SORL1-AS1: variants seen among roughly 807,000 people sequenced by gnomAD.
SORL1-AS1 encodes SORL1 antisense RNA 1, also known as lncRNA 51 A.
chr11:121,448,121 G>T (rs1002817217), exon 2 of SORL1-AS1: 1 of 152,208 alleles, frequency 6.6e-6, no homozygotes, highest in African/African-American at 2.4e-5. Context: ...TCTCGCTTTG[G>T]CCCACTTCAA....
downstream of SORL1-AS1, among the ~76,000 whole-genome samples, chr11:121,443,788 C>T (rs956080054): frequency 7.2e-5 from 11 of 152,194 alleles, 1 homozygote; most frequent in South Asian, 8.3e-4. Flanking sequence ...GTGAAATTAG[C>T]GCTGCTCAAG....
chr11:121,444,783 T>C (rs960386126), downstream of SORL1-AS1, among the ~76,000 whole-genome samples: 7 of 152,242 alleles, frequency 4.6e-5, no homozygotes, highest in Non-Finnish European at 4.4e-5. Context: ...ATGGCGTCAT[T>C]ATCACAGAAT....
In SORL1-AS1 at chr11:121,452,867, G is replaced by A. The variant is rs1860830812; in HGVS notation, n.147C>T. The A allele has an allele frequency of 2.4e-6, 1 of 415,532 alleles. No individual in the cohort carries two copies. Among genetic ancestry groups the A allele is most frequent in the Non-Finnish European group, 4.3e-6 (1 of 234,948 alleles). 25.7% of individuals were successfully genotyped at this position (415,532 alleles called of 1,614,324 possible). On this transcript the variant is annotated non_coding_transcript_exon_variant, in exon 1 of 2. Coordinates refer to ENST00000501964, the Ensembl canonical transcript of SORL1-AS1. This position sits in a 1 kb window ranked among gnomAD's most constrained non-coding sequence, Gnocchi z 5.3. ...TGCAGTGCGTATTACCCCAGGGTGTGTGCAGAGAGATGTAGTTTCCGGCAG... is the reference window on the plus strand; with the variant it reads ...TGCAGTGCGTATTACCCCAGGGTGTATGCAGAGAGATGTAGTTTCCGGCAG...
At chr11:121,442,500 T>A (rs1412073004), downstream of SORL1-AS1, among the ~76,000 whole-genome samples, 1 of 151,408 alleles carries the variant, frequency 6.6e-6, no homozygotes, top group Non-Finnish European at 1.5e-5. Flanking sequence ...CTGGGCGTGG[T>A]GGCACGCACC....
At chr11:121,441,041 T>TA in the SORL1-AS1 span, among the ~76,000 whole-genome samples, 1 of 152,194 alleles carries the variant, frequency 6.6e-6, no homozygotes, top group Non-Finnish European at 1.5e-5. Flanking sequence ...CCAATGGAGA[T>TA]ATAAGTATTT....
chr11:121,438,242 A>G, the SORL1-AS1 span, among the ~76,000 whole-genome samples: 2 of 152,212 alleles, frequency 1.3e-5, no homozygotes, highest in African/African-American at 4.8e-5. Context: ...GTCTAGCTTA[A>G]ATACTTCCAG....
Position 121,450,226 on chromosome 11 carries a change from A to G in SORL1-AS1, n.340-327T>C, listed in dbSNP as rs1236828797. On this transcript the variant is annotated intron_variant and non_coding_transcript_variant, in intron 1 of 1. Coordinates refer to ENST00000501964, the Ensembl canonical transcript of SORL1-AS1. This position sits in a 1 kb window ranked among gnomAD's most constrained non-coding sequence, Gnocchi z 5.2. ...ATGTTGGAAAAACCCCAATAATTGAATCATCTACAGGATGTTCTCACTTTA... is the reference window on the plus strand; with the variant it reads ...ATGTTGGAAAAACCCCAATAATTGAGTCATCTACAGGATGTTCTCACTTTA... Among the ~76,000 whole-genome samples the G allele has an allele frequency of 1.3e-5, 2 of 152,146 alleles. No homozygotes were observed. Among genetic ancestry groups the G allele is most frequent in the African/African-American group, 4.8e-5 (2 of 41,412 alleles).
At chr11:121,440,380 A>C in the SORL1-AS1 span, among the ~76,000 whole-genome samples, 1 of 152,134 alleles carries the variant, frequency 6.6e-6, no homozygotes, top group Non-Finnish European at 1.5e-5. Flanking sequence ...TCTCTAAATA[A>C]ATAAATAAAC....
At chr11:121,448,492 AAGTCCCTTTTC>A (rs970335127) in exon 2 of SORL1-AS1, 1 of 152,176 alleles carries the variant, frequency 6.6e-6, no homozygotes, top group Admixed American at 6.5e-5. Flanking sequence ...AAGGGCAGGG[AAGTCCCTTTTC>A]TGCTTTAATG....
At chr11:121,451,389 G>T (rs1483205843) in intron 1 of SORL1-AS1, among the ~76,000 whole-genome samples, 2 of 152,208 alleles carry the variant, frequency 1.3e-5, no homozygotes, top group Non-Finnish European at 2.9e-5. Flanking sequence ...TGTTTGCCTA[G>T]CTCCTGGCTG....
At chr11:121,438,823 C>T in the SORL1-AS1 span, among the ~76,000 whole-genome samples, 5 of 152,076 alleles carry the variant, frequency 3.3e-5, no homozygotes, top group African/African-American at 1.2e-4. Context: ...GTCAGGAGTT[C>T]GAGAGCAGCC....
chr11:121,442,262 C>A, the SORL1-AS1 span, among the ~76,000 whole-genome samples: 1 of 152,122 alleles, frequency 6.6e-6, no homozygotes, highest in Non-Finnish European at 1.5e-5. Flanking sequence ...ATTCCAGAGT[C>A]GCCATTCAGT....
downstream of SORL1-AS1, among the ~76,000 whole-genome samples, chr11:121,442,640 C>A (rs1159888437): frequency 7.5e-6 from 1 of 133,606 alleles, no homozygotes; most frequent in African/African-American, 3.0e-5. Context: ...GTCTCTCTCT[C>A]TTTTATTTAT....
At chr11:121,448,498 C>G (rs1469193308) in exon 2 of SORL1-AS1, 1 of 152,100 alleles carries the variant, frequency 6.6e-6, no homozygotes, top group Non-Finnish European at 1.5e-5. Context: ...AGGGAAGTCC[C>G]TTTTCTGCTT....
At chr11:121,441,435 G>A in the SORL1-AS1 span, among the ~76,000 whole-genome samples, 26 of 150,132 alleles carry the variant, frequency 1.7e-4, no homozygotes, top group Non-Finnish European at 3.2e-4. Flanking sequence ...GGAGGCTGAG[G>A]CAGGAGAATG....
downstream of SORL1-AS1, among the ~76,000 whole-genome samples, chr11:121,446,937 C>T (rs1395227002): frequency 1.3e-5 from 2 of 152,112 alleles, no homozygotes; most frequent in Admixed American, 6.5e-5. Context: ...CTGTGCCTAA[C>T]GCATGCATCC....
At chr11:121,445,271 A>C (rs1317006811), downstream of SORL1-AS1, among the ~76,000 whole-genome samples, 2 of 152,220 alleles carry the variant, frequency 1.3e-5, no homozygotes, top group Admixed American at 1.3e-4. Flanking sequence ...GATTATATGC[A>C]TGATACACAG....
exon 2 of SORL1-AS1, chr11:121,449,466 T>G (rs891796810): frequency 6.6e-6 from 1 of 152,218 alleles, no homozygotes; most frequent in Non-Finnish European, 1.5e-5. Context: ...GCTGCTCCTA[T>G]CTCACAACCC....
the SORL1-AS1 span, among the ~76,000 whole-genome samples, chr11:121,441,261 C>G: frequency 6.6e-6 from 1 of 151,842 alleles, no homozygotes; most frequent in African/African-American, 2.4e-5. Context: ...CTGTGGCTCA[C>G]GCCTGTAATC....
Sources: gnomAD v4.1 joint callset for allele counts (sites outside exome capture counted in the v4.1 genomes callset) on GRCh38, gnomAD v4.1.1 for gene constraint, Gnocchi (gnomAD v3.1) non-coding constraint, MANE v1.5 for transcripts, NCBI Gene and HGNC (gene_info 2026-07-23, HGNC 2026-07-21) for gene names.